Variants in FTO observed in about 807,000 individuals in gnomAD.
FTO encodes the protein alpha-ketoglutarate-dependent dioxygenase FTO.
Under a neutral mutation model 63.9 loss-of-function variants are expected in FTO, and 47 were observed. The ratio of observed to expected loss-of-function variants is 0.74; its 90% CI spans 0.58 to 0.94. The LOEUF (loss-of-function observed/expected upper bound fraction) is 0.94. Among genes scored for constraint, FTO ranks in the 40% least tolerant of loss-of-function variants. The pLI, the probability that FTO is intolerant of heterozygous loss-of-function variation, is 0.00. For missense variants in FTO, 562 were observed against 618.1 expected (o/e 0.91, Z 0.96); for synonymous variants, 207 against 224.4 (o/e 0.92, Z 0.69).
At chr16:53,746,083 A>C (rs1415938528) in intron 1 of FTO, among the ~76,000 whole-genome samples, 4 of 152,232 alleles carry the variant, frequency 2.6e-5, no homozygotes, top group African/African-American at 4.8e-5. Flanking sequence ...TGCAACTCCT[A>C]AGTTTTCCTC....
At chr16:53,816,204 A>AAT (rs2078683851) in intron 2 of FTO, among the ~76,000 whole-genome samples, 1 of 151,980 alleles carries the variant, frequency 6.6e-6, no homozygotes, top group Non-Finnish European at 1.5e-5. Context: ...TCTGTTCTAA[A>AAT]ATGTATGAAA....
chr16:53,823,075 A>G (rs1218105399), intron 2 of FTO, among the ~76,000 whole-genome samples: 2 of 151,896 alleles, frequency 1.3e-5, no homozygotes, highest in African/African-American at 4.8e-5. Context: ...ATGCCATCTC[A>G]CTTCCTCCTC....
rs776456069 is a variant in FTO at position 53,888,907 on chromosome 16, C to G, written c.1195C>G (p.Pro399Ala). The G allele has an allele frequency of 1.2e-6, 2 of 1,614,058 alleles. No individual in the cohort carries two copies. Among genetic ancestry groups the G allele is most frequent in the Admixed American group, 1.7e-5 (1 of 60,032 alleles). ...YRKCTDWWCQPMAQLEALWKK... is the reference protein window; with the variant it reads ...YRKCTDWWCQAMAQLEALWKK... ...AAAGTGCACTGACTGGTGGTGTCAA[C>G]CCATGGCTCAACTGGAAGCACTGTG... The change falls in exon 7 of 9, where the codon CCC (proline) becomes GCC (alanine). Residue 399 changes from proline (P) to alanine (A), a missense_variant. Pro to Ala is a conservative substitution (Grantham distance 27). Coordinates refer to ENST00000471389, the MANE Select transcript of FTO (RefSeq NM_001080432.3).
intron 8 of FTO, among the ~76,000 whole-genome samples, chr16:54,029,321 GT>G (rs2084780248): frequency 6.6e-6 from 1 of 152,190 alleles, no homozygotes; most frequent in Non-Finnish European, 1.5e-5. Context: ...TAGACTCCAG[GT>G]GTAATTATGT....
At chr16:53,798,474 A>G (rs1366793237) in intron 1 of FTO, among the ~76,000 whole-genome samples, 1 of 152,122 alleles carries the variant, frequency 6.6e-6, no homozygotes, top group Non-Finnish European at 1.5e-5. Flanking sequence ...TCTTTGTATA[A>G]GTGTGGAAAA....
intron 1 of FTO, among the ~76,000 whole-genome samples, chr16:53,745,838 A>G (rs1051877276): frequency 6.6e-6 from 1 of 152,210 alleles, no homozygotes; most frequent in Non-Finnish European, 1.5e-5. Flanking sequence ...GATCCCAGAT[A>G]TGACTAAGTG....
chr16:53,998,482 C>A (rs1367596203), intron 8 of FTO: 2 of 152,176 alleles, frequency 1.3e-5, no homozygotes, highest in Non-Finnish European at 1.5e-5. Context: ...TCTAGGTATC[C>A]CTCAGTGTTC....
chr16:53,909,649 C>T (rs1355265274), intron 7 of FTO, among the ~76,000 whole-genome samples: 9 of 149,972 alleles, frequency 6.0e-5, no homozygotes, highest in South Asian at 4.3e-4. Context: ...CTGCAGCCTC[C>T]GCCTCCCAGG....
chr16:53,844,415 C>A, intron 4 of FTO, 117 bp downstream of exon 4: 1 of 836,650 alleles, frequency 1.2e-6, no homozygotes, highest in Non-Finnish European at 1.9e-6. Context: ...ATATTAAGAG[C>A]GAAACTTCTT....
intron 8 of FTO, among the ~76,000 whole-genome samples, chr16:54,064,120 G>C (rs963639011): frequency 2.6e-5 from 4 of 151,980 alleles, no homozygotes; most frequent in Non-Finnish European, 5.9e-5. Context: ...TAGGGTACTG[G>C]TAATTCTAGA....
chr16:53,903,537 G>A (rs567371016), intron 7 of FTO, among the ~76,000 whole-genome samples: 1 of 152,324 alleles, frequency 6.6e-6, no homozygotes, highest in South Asian at 2.1e-4. Flanking sequence ...GGGATTACAG[G>A]CGTGAGCCAC....
intron 8 of FTO, among the ~76,000 whole-genome samples, chr16:54,079,156 G>A (rs576014197): frequency 6.6e-5 from 10 of 152,310 alleles, no homozygotes; most frequent in Middle Eastern, 3.4e-3. Context: ...ATAAAAGACA[G>A]ATAGGTAAAA....
intron 8 of FTO, chr16:53,998,824 T>A (rs2084001945): frequency 6.6e-6 from 1 of 152,260 alleles, no homozygotes; most frequent in African/African-American, 2.4e-5. Flanking sequence ...ACTATTAGTC[T>A]GATTGAATTA....
chr16:54,121,646 C>G lies in FTO; in HGVS notation c.*9731C>G, dbSNP rs2087006761. On this transcript the variant is annotated 3_prime_UTR_variant, in exon 9 of 9. Transcript: ENST00000471389. ...AGAATCTTTTTCCAGCACTCCTGAG[C>G]CCTTCGGGTCGCGGAACAGTGCGAA... is the stretch of plus-strand genomic sequence containing the variant. 6.6e-6 allele frequency: 1 copy of G among 152,188 alleles called. No homozygotes were observed. Among genetic ancestry groups the G allele is most frequent in the African/African-American group, 2.4e-5 (1 of 41,452 alleles). The allele number at this position is 152,188 out of a possible 1,614,324, so 9.4% of individuals were successfully genotyped here. A position where few individuals can be genotyped will look rare whatever the true frequency, so the allele number is the denominator to read the frequency against.
chr16:53,820,352 G>T (rs1408786899), intron 2 of FTO, among the ~76,000 whole-genome samples: 3 of 152,094 alleles, frequency 2.0e-5, no homozygotes, highest in Admixed American at 2.0e-4. Flanking sequence ...TTACAGGACA[G>T]ATTATTAAAC....
At chr16:53,872,316 A>G (rs1425456657) in intron 4 of FTO, among the ~76,000 whole-genome samples, 3 of 152,122 alleles carry the variant, frequency 2.0e-5, no homozygotes, top group African/African-American at 7.2e-5. Context: ...TACTTGAGGG[A>G]ACCTTCCTGC....
intron 8 of FTO, among the ~76,000 whole-genome samples, chr16:54,036,316 C>G (rs886369229): frequency 2.6e-5 from 4 of 152,178 alleles, no homozygotes; most frequent in Non-Finnish European, 5.9e-5. Flanking sequence ...TCTCTGTTAA[C>G]ATCTCTGCAT....
rs780803760 is a variant in FTO at position 53,810,208 on chromosome 16, C to T, written c.114C>T (p.Phe38=). The change falls in exon 2 of 9, where the codon TTC becomes TTT. Residue 38 remains phenylalanine (F), a synonymous_variant. Coordinates refer to ENST00000471389, the MANE Select transcript of FTO (RefSeq NM_001080432.3). ...ATCTGACCCCCAAAGATGATGAATT[C>T]TATCAGCAGGTAAGGTATTTTAATA... is the stretch of plus-strand genomic sequence containing the variant. ...LPYLTPKDDE[F]YQQWQLKYPK... The T allele has an allele frequency of 2.5e-6, 4 of 1,598,862 alleles. No individual in the cohort carries two copies. The South Asian group carries it at 4.4e-5, about 18-fold the overall frequency.
At chr16:53,777,683 C>G (rs1225943874) in intron 1 of FTO, among the ~76,000 whole-genome samples, 1 of 152,130 alleles carries the variant, frequency 6.6e-6, no homozygotes, top group African/African-American at 2.4e-5. Context: ...TGATCTTATA[C>G]AAGTTTTTAA....
Sources: allele counts gnomAD v4.1 joint callset (sites outside exome capture counted in the v4.1 genomes callset), GRCh38; gene constraint gnomAD v4.1.1; transcripts MANE v1.5; gene names NCBI Gene and HGNC (gene_info 2026-07-23, HGNC 2026-07-21).